KCTD3: variants seen among roughly 807,000 people sequenced by gnomAD.
KCTD3 encodes BTB/POZ domain-containing protein KCTD3.
Under a neutral mutation model 85.8 loss-of-function variants are expected in KCTD3, and 41 were observed. The ratio of observed to expected loss-of-function variants is 0.48; its 90% CI spans 0.37 to 0.62. The LOEUF is 0.62. Ranked by LOEUF, KCTD3 falls within the 20% of genes least tolerant of loss-of-function variation. The pLI, the probability that KCTD3 is intolerant of heterozygous loss-of-function variation, is 0.00. For synonymous variants in KCTD3, 338 were observed against 345.4 expected (o/e 0.98, Z 0.24); for missense variants, 724 against 989.9 (o/e 0.73, Z 3.60).
In KCTD3 at chr1:215,620,601, C is replaced by T; in HGVS notation, c.2431C>T (p.Gln811Ter). 2 of 1,589,144 alleles carry T rather than the reference C, an allele frequency of 1.3e-6. No homozygotes were observed. Among genetic ancestry groups the T allele is most frequent in the Non-Finnish European group, 1.7e-6 (2 of 1,169,528 alleles). ...GCATAAAAAAAGTGATTCTTCAGGTCAGGAGTACAGCTTGTGAAAACTCAC... is the reference window on the plus strand; with the variant it reads ...GCATAAAAAAAGTGATTCTTCAGGTTAGGAGTACAGCTTGTGAAAACTCAC... Reference protein sequence around the residue: ...PRHKKSDSSGQEYSL With the variant: ...PRHKKSDSSG Residue 811 changes from glutamine (Q) to a stop codon, truncating the protein, a stop_gained, in exon 18 of 18, where the codon CAG (glutamine) becomes TAG (stop). Transcript: ENST00000259154. LOFTEE classifies it high-confidence loss of function.
rs773725900 is a variant in KCTD3, at chr1:215,577,707, T to G, written c.295T>G (p.Phe99Val). ...SINVLRHEAEFYGITPLVRRL... is the reference protein window; with the variant it reads ...SINVLRHEAEVYGITPLVRRL... ...TAATGTTCTCAGGCATGAAGCAGAA[T>G]TTTACGGGATCACTCCATTAGGTAT... Residue 99 changes from phenylalanine to valine, a missense_variant, in exon 5 of 18, where the codon TTT becomes GTT. Transcript: ENST00000259154. 6.3e-7 allele frequency: 1 copy of G among 1,598,928 alleles called. No individual in the cohort carries two copies. Among genetic ancestry groups the G allele is most frequent in the Non-Finnish European group, 8.6e-7 (1 of 1,166,466 alleles).
intron 10 of KCTD3, among the ~76,000 whole-genome samples, chr1:215,598,700 A>G (rs1276493436): frequency 3.3e-5 from 5 of 151,996 alleles, no homozygotes. Context: ...AGGTCATTGA[A>G]AAAAAATTTT....
At chr1:215,593,002 C>T (rs753719617) in intron 9 of KCTD3, among the ~76,000 whole-genome samples, 1 of 152,196 alleles carries the variant, frequency 6.6e-6, no homozygotes, top group Non-Finnish European at 1.5e-5. Context: ...ACCTCATCCT[C>T]CTCTGGAGTA....
At chr1:215,574,892 C>T (rs7545425) in intron 3 of KCTD3, among the ~76,000 whole-genome samples, 3 of 152,026 alleles carry the variant, frequency 2.0e-5, no homozygotes, top group South Asian at 2.1e-4. Flanking sequence ...AAAGATGTTC[C>T]GTTTTTATGG....
chr1:215,593,857 CTTTTTTTTT>C (rs11362703), intron 9 of KCTD3, among the ~76,000 whole-genome samples: 1 of 111,802 alleles, frequency 8.9e-6, no homozygotes, highest in Admixed American at 9.0e-5. Flanking sequence ...TGGAATACAA[CTTTTTTTTT>C]TTTTTTTTTT....
chr1:215,577,914 A>G lies in KCTD3; in HGVS notation c.317-87A>G. On this transcript the variant is annotated intron_variant, in intron 5 of 17. Coordinates refer to ENST00000259154, the MANE Select transcript of KCTD3 (RefSeq NM_016121.5). ...ATTAAAATTTTCCTTTTCTTTCCTT[A>G]TCCTCTTGAACTAGAGAAAATAAAA... is the stretch of plus-strand genomic sequence containing the variant. 1.9e-6 allele frequency: 3 copies of G among 1,549,424 alleles called. No individual in the cohort carries two copies. In the East Asian group the frequency reaches 6.8e-5, roughly 35 times the overall value.
chr1:215,586,385 A>C (rs1660009397), intron 8 of KCTD3, 110 bp from the exon 9 acceptor site: 1 of 865,756 alleles, frequency 1.2e-6, no homozygotes, highest in Admixed American at 2.5e-5. Flanking sequence ...GTAACTGTTT[A>C]GTTTTTTTTT....
rs1289236577 is a variant in KCTD3 at position 215,620,276 on chromosome 1, G to A, written c.2106G>A (p.Gly702=). The A allele has an allele frequency of 6.2e-7, 1 of 1,613,798 alleles. No homozygotes were observed. The highest frequency in any genetic ancestry group is 8.5e-7 in the Non-Finnish European group (1 of 1,179,784). The change falls in exon 18 of 18, where the codon GGG becomes GGA. Residue 702 remains glycine (G), a synonymous_variant. Coordinates refer to ENST00000259154, the MANE Select transcript of KCTD3 (RefSeq NM_016121.5). ...AAGCTGAAGTGAAAGGGGCAACAGG[G>A]GAATGTAATATATCTGAGAGAAAGT... The part of the protein sequence containing the change: ...PIQAEVKGAT[G]ECNISERKSP...
intron 10 of KCTD3, among the ~76,000 whole-genome samples, chr1:215,599,043 C>T (rs1654721240): frequency 6.6e-6 from 1 of 152,150 alleles, no homozygotes; most frequent in African/African-American, 2.4e-5. Flanking sequence ...GTTTGCCTGT[C>T]ATTAGACTTT....
chr1:215,569,479 A>C (rs755430942), intron 1 of KCTD3, among the ~76,000 whole-genome samples: 4 of 152,164 alleles, frequency 2.6e-5, no homozygotes, highest in African/African-American at 4.8e-5. Flanking sequence ...TGTAAAAATT[A>C]AGCAGTATTG....
At chr1:215,586,379 C>T (rs745899183) in intron 8 of KCTD3, 116 bp from the exon 9 acceptor site, 16 of 819,694 alleles carry the variant, frequency 2.0e-5, no homozygotes, top group Non-Finnish European at 2.7e-5. Context: ...GGATGGGTAA[C>T]TGTTTAGTTT....
At chr1:215,604,574 C>T (rs946837465) in intron 13 of KCTD3, among the ~76,000 whole-genome samples, 1 of 151,000 alleles carries the variant, frequency 6.6e-6, no homozygotes, top group Non-Finnish European at 1.5e-5. Flanking sequence ...GGTGAAACCC[C>T]ACCTCTACCA....
rs564706052 is a variant in KCTD3 at position 215,572,537 on chromosome 1, A to C, written c.84-1249A>C. ...CCTGGCCTGCAATCCAGTGCTATTT[A>C]ATAGCCCACTTAGAAGATGGGAATG... On this transcript the variant is annotated intron_variant, in intron 1 of 17. Transcript: ENST00000259154. Among the ~76,000 whole-genome samples the C allele has an allele frequency of 3.0e-3, 454 of 152,292 alleles. 3 individuals carry two copies. Among genetic ancestry groups the C allele is most frequent in the African/African-American group, 0.01 (434 of 41,562 alleles).
At chr1:215,616,284 T>C (rs1655445878) in intron 15 of KCTD3, among the ~76,000 whole-genome samples, 1 of 152,128 alleles carries the variant, frequency 6.6e-6, no homozygotes, top group African/African-American at 2.4e-5. Context: ...AATTTACAGA[T>C]ATTATTTAAA....
chr1:215,589,182 C>G (rs1660127860), intron 9 of KCTD3, among the ~76,000 whole-genome samples: 1 of 151,972 alleles, frequency 6.6e-6, no homozygotes, highest in Non-Finnish European at 1.5e-5. Context: ...GTCACACAGG[C>G]TGGAGTGCAG....
intron 1 of KCTD3, among the ~76,000 whole-genome samples, chr1:215,569,002 C>T (rs1400903702): frequency 1.3e-5 from 2 of 152,050 alleles, no homozygotes; most frequent in African/African-American, 2.4e-5. Flanking sequence ...TGTGGAATAC[C>T]CCTAAAGAGG....
At chr1:215,568,453 C>T in intron 1 of KCTD3, among the ~76,000 whole-genome samples, 1 of 130,170 alleles carries the variant, frequency 7.7e-6, no homozygotes, top group Non-Finnish European at 1.6e-5. Flanking sequence ...AGACTGAATG[C>T]TCTTCTCTGT....
At chr1:215,596,906 A>T (rs1660433877) in intron 10 of KCTD3, among the ~76,000 whole-genome samples, 1 of 152,218 alleles carries the variant, frequency 6.6e-6, no homozygotes, top group South Asian at 2.1e-4. Context: ...TGTATATGGG[A>T]TCTACAGCAC....
At position 215,620,398 on chromosome 1, in the gene KCTD3, C is replaced by T; in HGVS notation, c.2228C>T (p.Ser743Leu). The T allele has an allele frequency of 6.2e-7, 1 of 1,612,688 alleles. No homozygotes were observed. The highest frequency in any genetic ancestry group is 1.3e-5 in the African/African-American group (1 of 74,862). ...TTTTCAGAATCCAAGAAAAGGTCATCAGAAGATGAAAATGAAAATAAAATA... is the reference window on the plus strand; with the variant it reads ...TTTTCAGAATCCAAGAAAAGGTCATTAGAAGATGAAAATGAAAATAAAATA... The part of the protein sequence containing the change: ...EGFSESKKRS[S>L]EDENENKIEF... Residue 743 changes from serine (S) to leucine (L), a missense_variant, in exon 18 of 18, where the codon TCA becomes TTA. Around this residue, in one of 6 missense-constraint regions of KCTD3, gnomAD observed 222 missense variants for 217.7 expected, o/e 1.02. Transcript: ENST00000259154.
Sources: gnomAD v4.1 joint callset for allele counts (sites outside exome capture counted in the v4.1 genomes callset) on GRCh38, gnomAD v4.1.1 for gene constraint, gnomAD v4.1.1 regional missense constraint, MANE v1.5 for transcripts, NCBI Gene and HGNC (gene_info 2026-07-23, HGNC 2026-07-21) for gene names.